ZNF451: variants seen among roughly 807,000 people sequenced by gnomAD.
The protein encoded by ZNF451 is zinc finger protein 451.
In ZNF451, 80 loss-of-function variants were observed where a neutral mutation model predicts 107.1. The ratio of observed to expected loss-of-function variants is 0.75; its 90% confidence interval spans 0.62 to 0.90. ZNF451 has a LOEUF of 0.90. ZNF451 is among the 40% of genes least tolerant of loss of function. The probability of loss-of-function intolerance (pLI) is 0.00; values close to 1 mark genes in which losing one functional copy is unlikely to be tolerated. For synonymous variants in ZNF451, 362 were observed against 406.5 expected (o/e 0.89, Z 1.32); for missense variants, 1,107 against 1,236.2 (o/e 0.90, Z 1.57).
At position 57,154,064 on chromosome 6, in the gene ZNF451, A is replaced by G. The variant is rs755071264; in HGVS notation, c.3070+17A>G. 4 of 1,613,710 alleles carry G rather than the reference A, an allele frequency of 2.5e-6. No homozygotes were observed. Among genetic ancestry groups the G allele is most frequent in the Non-Finnish European group, 2.5e-6 (3 of 1,179,980 alleles). Reference sequence around the variant, plus strand: ...CCACCAAAGGTACGCAGCTGCAGTCACAGTGCAAACCACCCAAGAGGAGGA... The same window carrying G: ...CCACCAAAGGTACGCAGCTGCAGTCGCAGTGCAAACCACCCAAGAGGAGGA... On this transcript the variant is annotated intron_variant, in intron 13 of 14. Coordinates refer to ENST00000370706, the MANE Select transcript of ZNF451 (RefSeq NM_001031623.3).
chr6:57,167,173 GTATA>G (rs137939383), intron 14 of ZNF451, among the ~76,000 whole-genome samples: 93 of 150,974 alleles, frequency 6.2e-4, no homozygotes, highest in East Asian at 7.8e-4. Flanking sequence ...TTGTGATTTC[GTATA>G]TATATACACA....
rs1055152383 is a variant in ZNF451 at position 57,099,649 on chromosome 6, A to T, written c.186+508A>T. Reference sequence around the variant, plus strand: ...CCTTGTCTGTGCCCCACATATTTGGAGTTATTTATCTTACCTGTGATGTAC... The same window carrying T: ...CCTTGTCTGTGCCCCACATATTTGGTGTTATTTATCTTACCTGTGATGTAC... On this transcript the variant is annotated intron_variant, in intron 3 of 14. Transcript: ENST00000370706. The T allele has an allele frequency of 6.4e-6, 4 of 627,476 alleles. No individual in the cohort carries two copies. The South Asian group carries it at 7.7e-5, about 12-fold the overall frequency. 38.9% of individuals were successfully genotyped at this position (627,476 alleles called of 1,614,324 possible).
At chr6:57,104,508 C>T (rs1014615470) in intron 3 of ZNF451, 15 of 984,892 alleles carry the variant, frequency 1.5e-5, no homozygotes, top group African/African-American at 1.2e-4. Context: ...TAAACTAAAC[C>T]GAAATAAGTT....
chr6:57,114,863 G>GA (rs1183607195), intron 3 of ZNF451: 2 of 151,936 alleles, frequency 1.3e-5, no homozygotes, highest in Admixed American at 6.6e-5. Context: ...ATGTAAAAAA[G>GA]AAAAAACCCT....
intron 2 of ZNF451, among the ~76,000 whole-genome samples, chr6:57,093,964 A>G (rs1829168726): frequency 6.6e-6 from 1 of 152,208 alleles, no homozygotes; most frequent in Admixed American, 6.5e-5. Flanking sequence ...ACTTCTCTAT[A>G]TGGGGGGAAA....
intron 4 of ZNF451, among the ~76,000 whole-genome samples, chr6:57,125,560 A>G (rs1403756576): frequency 3.9e-5 from 6 of 152,156 alleles, no homozygotes; most frequent in South Asian, 2.1e-4. Context: ...CACTAGTTTT[A>G]TAGACTTTGG....
chr6:57,143,064 C>A (rs965798474), intron 9 of ZNF451, among the ~76,000 whole-genome samples: 1 of 151,988 alleles, frequency 6.6e-6, no homozygotes, highest in Non-Finnish European at 1.5e-5. Context: ...TTTATATATT[C>A]TAGATACAAA....
At chr6:57,100,997 G>A (rs1413473553) in intron 3 of ZNF451, 17 of 1,550,718 alleles carry the variant, frequency 1.1e-5, no homozygotes, top group African/African-American at 4.1e-5. Context: ...GAAATGTCCC[G>A]AGTGATACGT....
chr6:57,152,477 A>G, intron 12 of ZNF451, 126 bp downstream of exon 12: 1 of 1,101,516 alleles, frequency 9.1e-7, no homozygotes, highest in South Asian at 1.5e-5. Flanking sequence ...TATGACTATT[A>G]TGAAGGCAGG....
intron 7 of ZNF451, among the ~76,000 whole-genome samples, chr6:57,137,877 T>G (rs1469254337): frequency 6.6e-6 from 1 of 152,252 alleles, no homozygotes; most frequent in South Asian, 2.1e-4. Context: ...CTAGATTGTT[T>G]CACTTCCCAT....
At chr6:57,115,477 G>C (rs1423065055) in intron 3 of ZNF451, 3 of 152,166 alleles carry the variant, frequency 2.0e-5, no homozygotes, top group Non-Finnish European at 4.4e-5. Flanking sequence ...TAACTTTCAT[G>C]GAGATGTTTC....
chr6:57,142,098 T>G lies in ZNF451; in HGVS notation c.1004+3T>G, dbSNP rs1831796231. ...ATGGAGCTCACTGCCCATTTCAGGT[T>G]TGTATTGGTCTGGAGCTGTAAAGGA... is the stretch of plus-strand genomic sequence containing the variant. On this transcript the variant is annotated splice_donor_region_variant and intron_variant, in intron 9 of 14. Coordinates refer to ENST00000370706, the MANE Select transcript of ZNF451 (RefSeq NM_001031623.3). 1 of 1,610,508 alleles carries G rather than the reference T, an allele frequency of 6.2e-7. No homozygotes were observed. The highest frequency in any genetic ancestry group is 1.1e-5 in the South Asian group (1 of 90,820).
chr6:57,103,451 A>G, intron 3 of ZNF451: 2 of 985,312 alleles, frequency 2.0e-6, no homozygotes, highest in South Asian at 4.7e-5. Context: ...ATAGTTTTTC[A>G]CCATACTGGA....
At chr6:57,140,417 T>C (rs1286138916) in intron 7 of ZNF451, among the ~76,000 whole-genome samples, 1 of 151,936 alleles carries the variant, frequency 6.6e-6, no homozygotes, top group East Asian at 1.9e-4. Flanking sequence ...AATACAAAAA[T>C]TTGCCTGACA....
At chr6:57,148,928 A>T (rs1832220637) in intron 10 of ZNF451, among the ~76,000 whole-genome samples, 1 of 152,192 alleles carries the variant, frequency 6.6e-6, no homozygotes, top group African/African-American at 2.4e-5. Flanking sequence ...ATATCATTTT[A>T]TTTTACAAAA....
chr6:57,131,351 G>A (rs997073981), intron 5 of ZNF451, among the ~76,000 whole-genome samples: 5 of 152,018 alleles, frequency 3.3e-5, no homozygotes, highest in African/African-American at 9.7e-5. Context: ...CCATGGGGAA[G>A]CCTCCCCACC....
chr6:57,101,606 A>G, intron 3 of ZNF451: 1 of 1,550,802 alleles, frequency 6.4e-7, no homozygotes, highest in Non-Finnish European at 8.7e-7. Context: ...TATATGACTC[A>G]ATATCAGCGT....
At chr6:57,113,620 A>T (rs373135692) in intron 3 of ZNF451, among the ~76,000 whole-genome samples, 4,834 of 137,274 alleles carry the variant, frequency 0.035, 136 homozygotes, top group Middle Eastern at 0.071. Flanking sequence ...AGAAAAAAAA[A>T]TTTTTTTTTT....
At chr6:57,168,272 T>G in intron 14 of ZNF451, 151 bp from the exon 15 acceptor site, 2 of 540,346 alleles carry the variant, frequency 3.7e-6, no homozygotes, top group Non-Finnish European at 6.4e-6. Context: ...TACTCAATTT[T>G]TTAGTAGAGA....
Sources: allele counts gnomAD v4.1 joint callset (sites outside exome capture counted in the v4.1 genomes callset), GRCh38; gene constraint gnomAD v4.1.1; transcripts MANE v1.5; gene names NCBI Gene and HGNC (gene_info 2026-07-23, HGNC 2026-07-21).